The following ZNF829 variants were observed in gnomAD, a reference collection of about 807,000 sequenced individuals.
The protein encoded by ZNF829 is zinc finger protein 829.
A neutral mutation model predicts 35.2 loss-of-function variants in ZNF829; 25 were observed. The observed-to-expected ratio is 0.71, with a 90% confidence interval of 0.52 to 0.99. ZNF829 has a LOEUF of 0.99. Among genes scored for constraint, ZNF829 ranks in the 50% least tolerant of loss-of-function variants. The pLI is 0.00. For missense variants in ZNF829, 417 were observed against 515.3 expected, an observed-to-expected ratio of 0.81 and a Z score of 1.85; for synonymous variants, 136 against 163.2, an observed-to-expected ratio of 0.83 and a Z score of 1.27.
At chr19:36,903,247 T>C (rs529652708) in intron 5 of ZNF829, among the ~76,000 whole-genome samples, 1 of 152,356 alleles carries the variant, frequency 6.6e-6, no homozygotes, top group South Asian at 2.1e-4. Flanking sequence ...ATGCCATTAT[T>C]ATTTAATATG....
At chr19:36,907,720 GA>G (rs2073230350) in intron 5 of ZNF829, 1 of 451,118 alleles carries the variant, frequency 2.2e-6, no homozygotes, top group Admixed American at 4.1e-5. Flanking sequence ...AGGAAGGAAT[GA>G]AACTAAAATG....
Position 36,915,006 on chromosome 19 carries a change from CCTCTT to C in ZNF829, c.50_54del (p.Glu17GlyfsTer6), listed in dbSNP as rs760976233. The C allele has an allele frequency of 6.2e-7, 1 of 1,614,046 alleles. No homozygotes were observed. The highest frequency in any genetic ancestry group is 1.3e-5 in the African/African-American group (1 of 74,914). ...AGAAGTTCATCATGCATTCTTTCCT[CCTCTT>C]CTGGGTGACACCTGGAGAAAGGTAA... On this transcript the variant is annotated frameshift_variant, in exon 3 of 6. Coordinates refer to ENST00000391711, the MANE Select transcript of ZNF829 (RefSeq NM_001037232.4). LOFTEE classifies it high-confidence loss of function.
chr19:36,915,925 G>C (rs1461632908), intron 1 of ZNF829, 86 bp downstream of exon 1: 3 of 1,535,976 alleles, frequency 2.0e-6, no homozygotes, highest in Non-Finnish European at 2.6e-6. Flanking sequence ...ATCGGTCTTC[G>C]GTATCCTCAC....
intron 3 of ZNF829, among the ~76,000 whole-genome samples, 199 bp downstream of exon 3, chr19:36,914,766 G>C (rs549273502): frequency 6.6e-6 from 1 of 151,984 alleles, no homozygotes; most frequent in Non-Finnish European, 1.5e-5. Context: ...ATTTTTTCTT[G>C]GTAATGCTGT....
intron 3 of ZNF829, among the ~76,000 whole-genome samples, chr19:36,910,140 A>G (rs1407619756): frequency 6.6e-6 from 1 of 150,820 alleles, no homozygotes; most frequent in East Asian, 2.0e-4. Flanking sequence ...GTTGGAGTGC[A>G]GTGGCACAAT....
chr19:36,900,028 G>C (rs905806254), intron 5 of ZNF829, among the ~76,000 whole-genome samples: 2 of 151,914 alleles, frequency 1.3e-5, no homozygotes, highest in African/African-American at 2.4e-5. Flanking sequence ...AAAAGAGGCT[G>C]GGCATGGTGG....
chr19:36,910,391 T>C (rs577117544), intron 3 of ZNF829, among the ~76,000 whole-genome samples: 1 of 152,324 alleles, frequency 6.6e-6, no homozygotes, highest in Non-Finnish European at 1.5e-5. Context: ...GGCCCATTTC[T>C]TGAATTTTTA....
intron 5 of ZNF829, among the ~76,000 whole-genome samples, chr19:36,900,263 T>C (rs954770276): frequency 6.7e-6 from 1 of 149,246 alleles, no homozygotes; most frequent in Non-Finnish European, 1.5e-5. Flanking sequence ...GGCATGAGAA[T>C]CACTTGAACC....
intron 3 of ZNF829, among the ~76,000 whole-genome samples, chr19:36,913,211 T>C (rs1035693708): frequency 2.6e-5 from 4 of 152,148 alleles, no homozygotes; most frequent in Admixed American, 1.3e-4. Flanking sequence ...TTACACAAAA[T>C]ACTTAGTTAG....
At chr19:36,905,178 G>T (rs563033203) in intron 5 of ZNF829, among the ~76,000 whole-genome samples, 1 of 152,138 alleles carries the variant, frequency 6.6e-6, no homozygotes, top group South Asian at 2.1e-4. Flanking sequence ...TCTCATTGAT[G>T]AATCTTATCC....
chr19:36,902,409 C>A (rs1271812663), intron 5 of ZNF829, among the ~76,000 whole-genome samples: 1 of 149,244 alleles, frequency 6.7e-6, no homozygotes, highest in African/African-American at 2.5e-5. Context: ...CAAAGGCAGG[C>A]GGATTACTTT....
rs2073300235 is a variant in ZNF829 at position 36,915,032 on chromosome 19, G to C, written c.39-10C>G. ...CTCTTCTGGGTGACACCTGGAGAAAGGTAAAATTGGGAGAGGGAAGAGTAA... is the reference window on the plus strand; with the variant it reads ...CTCTTCTGGGTGACACCTGGAGAAACGTAAAATTGGGAGAGGGAAGAGTAA... On this transcript the variant is annotated splice_polypyrimidine_tract_variant and intron_variant, in intron 2 of 5. Coordinates refer to ENST00000391711, the MANE Select transcript of ZNF829 (RefSeq NM_001037232.4). The C allele has an allele frequency of 1.9e-6, 3 of 1,613,940 alleles. No individual in the cohort carries two copies. The highest frequency in any genetic ancestry group is 2.5e-6 in the Non-Finnish European group (3 of 1,180,018).
At position 36,889,997 on chromosome 19, in the gene ZNF829, A is replaced by T. The variant is rs1055745666; in HGVS notation, c.*1495T>A. 1 of 152,178 alleles carries T rather than the reference A, an allele frequency of 6.6e-6. No individual in the cohort carries two copies. Among genetic ancestry groups the T allele is most frequent in the Non-Finnish European group, 1.5e-5 (1 of 68,032 alleles). 9.4% of individuals were successfully genotyped at this position (152,178 alleles called of 1,614,324 possible). On this transcript the variant is annotated 3_prime_UTR_variant, in exon 6 of 6. Coordinates refer to ENST00000391711, the MANE Select transcript of ZNF829 (RefSeq NM_001037232.4). ...ATTTTCATTTATTTCAAAAAATTTT[A>T]AATTTCCACCTTAGTTTCATCATTG...
intron 3 of ZNF829, among the ~76,000 whole-genome samples, chr19:36,909,183 C>T (rs531596005): frequency 5.3e-5 from 8 of 152,110 alleles, no homozygotes; most frequent in East Asian, 1.9e-4. Flanking sequence ...GAACATCATC[C>T]GGCAGCAGAC....
At chr19:36,899,682 G>T (rs1442945132) in intron 5 of ZNF829, among the ~76,000 whole-genome samples, 1 of 150,306 alleles carries the variant, frequency 6.7e-6, no homozygotes, top group Non-Finnish European at 1.5e-5. Flanking sequence ...TATAGCAGGA[G>T]GACTATAGTT....
At chr19:36,909,886 T>C (rs189724151) in intron 3 of ZNF829, among the ~76,000 whole-genome samples, 8 of 151,758 alleles carry the variant, frequency 5.3e-5, no homozygotes, top group Non-Finnish European at 1.0e-4. Flanking sequence ...GACTGTGGTA[T>C]GGGAAATCTC....
In ZNF829 at chr19:36,890,220, A is replaced by T. The variant is rs1376462286; in HGVS notation, c.*1272T>A. ...TTTGAGAATGTTCCATGCACAGAAG[A>T]GAAGAGTATATATTCTGTGGTTGTT... On this transcript the variant is annotated 3_prime_UTR_variant, in exon 6 of 6. Coordinates refer to ENST00000391711, the MANE Select transcript of ZNF829 (RefSeq NM_001037232.4). The T allele has an allele frequency of 6.6e-6, 1 of 152,186 alleles. No individual in the cohort carries two copies. The highest frequency in any genetic ancestry group is 2.4e-5 in the African/African-American group (1 of 41,438). The allele number at this position is 152,186 out of a possible 1,614,324, so 9.4% of individuals were successfully genotyped here.
intron 3 of ZNF829, among the ~76,000 whole-genome samples, chr19:36,908,865 A>G (rs545166207): frequency 1.3e-5 from 2 of 152,346 alleles, no homozygotes; most frequent in East Asian, 3.9e-4. Context: ...TCTCAATAGC[A>G]TCATTTGAAA....
intron 3 of ZNF829, among the ~76,000 whole-genome samples, chr19:36,911,775 T>C (rs1600743829): frequency 6.6e-6 from 1 of 152,284 alleles, no homozygotes. Context: ...GATTAGTACC[T>C]ATTTCCCTCT....
Sources: gnomAD v4.1 joint callset for allele counts (sites outside exome capture counted in the v4.1 genomes callset) on GRCh38, gnomAD v4.1.1 for gene constraint, MANE v1.5 for transcripts, NCBI Gene and HGNC (gene_info 2026-07-23, HGNC 2026-07-21) for gene names.